Variants in MALRD1 observed in about 807,000 individuals in gnomAD.
MALRD1 encodes the protein MAM and LDL receptor class A domain containing 1.
MALRD1 carries 247 observed loss-of-function variants against 242.1 expected under a neutral mutation model. The observed-to-expected ratio is 1.02, with a 90% CI of 0.92 to 1.13. The LOEUF (loss-of-function observed/expected upper bound fraction) is 1.13. Ranked by LOEUF, MALRD1 falls within the 50% of genes most tolerant of loss-of-function variation. MALRD1 has a pLI of 0.00. For synonymous variants in MALRD1, 995 were observed against 866.6 expected, an observed-to-expected ratio of 1.15 and a Z score of -2.60; for missense variants, 2,989 against 2,533.1, an observed-to-expected ratio of 1.18 and a Z score of -3.86.
intron 30 of MALRD1, among the ~76,000 whole-genome samples, chr10:19,492,901 A>G (rs1486175307): frequency 1.3e-5 from 2 of 152,114 alleles, no homozygotes; most frequent in African/African-American, 2.4e-5. Context: ...GCTCAATTTA[A>G]TTTTTTATTT....
intron 32 of MALRD1, among the ~76,000 whole-genome samples, chr10:19,537,116 A>T (rs1834722365): frequency 6.6e-6 from 1 of 152,220 alleles, no homozygotes; most frequent in Admixed American, 6.5e-5. Context: ...TTGAAGATGG[A>T]GGAAGAGATC....
chr10:19,543,855 G>T (rs1043287320), intron 32 of MALRD1, among the ~76,000 whole-genome samples: 2 of 152,108 alleles, frequency 1.3e-5, no homozygotes, highest in Non-Finnish European at 2.9e-5. Context: ...TGGAGTCTAT[G>T]CTCCTGGGTT....
chr10:19,533,407 G>A (rs1011673493), intron 32 of MALRD1, among the ~76,000 whole-genome samples: 3 of 152,016 alleles, frequency 2.0e-5, no homozygotes, highest in Non-Finnish European at 4.4e-5. Flanking sequence ...TTGATAATCA[G>A]CATGATATTG....
intron 33 of MALRD1, among the ~76,000 whole-genome samples, chr10:19,574,049 CA>C (rs1321587572): frequency 1.3e-5 from 2 of 152,124 alleles, no homozygotes; most frequent in African/African-American, 4.8e-5. Flanking sequence ...TGGCAAATAG[CA>C]AGGTGCCAAA....
At chr10:19,075,417 A>G (rs1016034880) in intron 2 of MALRD1, among the ~76,000 whole-genome samples, 4 of 152,074 alleles carry the variant, frequency 2.6e-5, no homozygotes, top group Non-Finnish European at 4.4e-5. Flanking sequence ...AGTGGAAGGC[A>G]GGAGAGCTAA....
intron 38 of MALRD1, among the ~76,000 whole-genome samples, chr10:19,703,871 G>C (rs1031117733): frequency 6.6e-6 from 1 of 152,092 alleles, no homozygotes; most frequent in Non-Finnish European, 1.5e-5. Flanking sequence ...CTCCAGTCTA[G>C]GTGACAGAGC....
At chr10:19,444,354 A>G (rs535845990) in intron 28 of MALRD1, among the ~76,000 whole-genome samples, 1 of 152,244 alleles carries the variant, frequency 6.6e-6, no homozygotes, top group African/African-American at 2.4e-5. Context: ...TGTCATTATG[A>G]TGTTAGCTGG....
At chr10:19,707,504 A>G (rs1009058935) in intron 38 of MALRD1, among the ~76,000 whole-genome samples, 1 of 152,204 alleles carries the variant, frequency 6.6e-6, no homozygotes, top group African/African-American at 2.4e-5. Context: ...AATAGATTTT[A>G]AAAGATTGAG....
At chr10:19,561,461 G>A (rs1040342410) in intron 32 of MALRD1, among the ~76,000 whole-genome samples, 1 of 152,102 alleles carries the variant, frequency 6.6e-6, no homozygotes. Flanking sequence ...TAGTAAATTG[G>A]CAAGTATTTC....
intron 13 of MALRD1, among the ~76,000 whole-genome samples, chr10:19,169,559 ATC>A (rs959859896): frequency 1.3e-5 from 2 of 152,060 alleles, no homozygotes; most frequent in African/African-American, 2.4e-5. Context: ...TCTTCCTTGT[ATC>A]TCTCTCCATC....
intron 28 of MALRD1, among the ~76,000 whole-genome samples, chr10:19,428,271 G>A (rs1232411813): frequency 1.3e-5 from 2 of 151,692 alleles, no homozygotes; most frequent in African/African-American, 4.8e-5. Context: ...CCTTCTTTAT[G>A]AAGCTCATGC....
At chr10:19,675,103 A>G (rs1842084696) in intron 36 of MALRD1, among the ~76,000 whole-genome samples, 1 of 152,120 alleles carries the variant, frequency 6.6e-6, no homozygotes, top group South Asian at 2.1e-4. Context: ...ACTGTACTGT[A>G]ATAATTTTGA....
chr10:19,185,997 A>C (rs1835723410), intron 14 of MALRD1, among the ~76,000 whole-genome samples: 1 of 152,066 alleles, frequency 6.6e-6, no homozygotes, highest in Admixed American at 6.6e-5. Flanking sequence ...ATTACTTTTA[A>C]TTTTGTAAGG....
At chr10:19,492,513 T>C (rs994036835) in intron 30 of MALRD1, among the ~76,000 whole-genome samples, 1 of 152,220 alleles carries the variant, frequency 6.6e-6, no homozygotes, top group African/African-American at 2.4e-5. Flanking sequence ...CTTCTCTTGA[T>C]ACTCTTTGGT....
chr10:19,545,658 AT>A (rs34765205), intron 32 of MALRD1, among the ~76,000 whole-genome samples: 104,374 of 151,970 alleles, frequency 0.69, 39,932 homozygotes, highest in Non-Finnish European at 0.84. Flanking sequence ...TTTCCTGGAA[AT>A]TTAATGAGCC....
chr10:19,624,373 G>A (rs1839547861), intron 36 of MALRD1, among the ~76,000 whole-genome samples: 1 of 152,074 alleles, frequency 6.6e-6, no homozygotes, highest in South Asian at 2.1e-4. Context: ...TTATTTTCTG[G>A]GGAAAGCTAA....
intron 19 of MALRD1, among the ~76,000 whole-genome samples, chr10:19,275,952 T>C (rs906712949): frequency 5.9e-5 from 9 of 152,328 alleles, no homozygotes; most frequent in African/African-American, 2.2e-4. Flanking sequence ...GTTCTAGTAA[T>C]GTGTATTTAC....
chr10:19,135,269 G>A (rs34162471), intron 9 of MALRD1, among the ~76,000 whole-genome samples: 35,536 of 151,880 alleles, frequency 0.23, 4,589 homozygotes, highest in Admixed American at 0.32. Context: ...ATTCTCTTGC[G>A]TTAGCCTCCC....
chr10:19,055,467 A>T (rs962461895), intron 1 of MALRD1, among the ~76,000 whole-genome samples: 2 of 152,322 alleles, frequency 1.3e-5, no homozygotes, highest in South Asian at 4.1e-4. Flanking sequence ...AGCCAAAAAC[A>T]GTTGCCTGTA....
Sources: gnomAD v4.1 joint callset for allele counts (sites outside exome capture counted in the v4.1 genomes callset) on GRCh38, gnomAD v4.1.1 for gene constraint, MANE v1.5 for transcripts, NCBI Gene and HGNC (gene_info 2026-07-23, HGNC 2026-07-21) for gene names.